Variants in NRXN3 observed in about 807,000 individuals in gnomAD.
NRXN3 encodes neurexin III.
A neutral mutation model predicts 137.6 loss-of-function variants in NRXN3; 32 were observed. The observed-to-expected ratio is 0.23, with a 90% CI of 0.18 to 0.31. NRXN3 has a LOEUF of 0.31. NRXN3 is among the 10% of genes least tolerant of loss of function. The pLI is 1.00. For synonymous variants in NRXN3, 798 were observed against 784.5 expected (o/e 1.02, Z -0.29); for missense variants, 1,574 against 2,062.5 (o/e 0.76, Z 4.59).
chr14:79,719,419 T>TATATATATAC (rs762235239), intron 19 of NRXN3, among the ~76,000 whole-genome samples: 2 of 151,402 alleles, frequency 1.3e-5, no homozygotes, highest in South Asian at 2.1e-4. Flanking sequence ...TATATATATA[T>TATATATATAC]ACCTTTCCCA....
intron 4 of NRXN3, among the ~76,000 whole-genome samples, chr14:78,568,232 G>A (rs2096855018): frequency 6.6e-6 from 1 of 152,138 alleles, no homozygotes; most frequent in Non-Finnish European, 1.5e-5. Context: ...CCTTTTGGGA[G>A]GTTAGTAAGT....
intron 15 of NRXN3, among the ~76,000 whole-genome samples, chr14:79,336,275 G>C (rs2092253900): frequency 6.6e-6 from 1 of 152,050 alleles, no homozygotes; most frequent in African/African-American, 2.4e-5. Context: ...AAGGTATTGG[G>C]TCATGTGCTT....
intron 15 of NRXN3, among the ~76,000 whole-genome samples, chr14:79,332,091 G>A (rs894380563): frequency 1.3e-5 from 2 of 152,186 alleles, no homozygotes; most frequent in Non-Finnish European, 2.9e-5. Flanking sequence ...CACCACATGG[G>A]TGGGCATGTG....
intron 15 of NRXN3, among the ~76,000 whole-genome samples, chr14:79,319,859 G>A (rs951208357): frequency 6.6e-6 from 1 of 152,104 alleles, no homozygotes; most frequent in Non-Finnish European, 1.5e-5. Context: ...CCTTATGTAT[G>A]AAACTGATTT....
At chr14:78,491,685 A>G (rs948813151) in intron 4 of NRXN3, among the ~76,000 whole-genome samples, 2 of 152,158 alleles carry the variant, frequency 1.3e-5, no homozygotes, top group Non-Finnish European at 2.9e-5. Flanking sequence ...ATTCATTTTT[A>G]TACTGATAGA....
intron 14 of NRXN3, among the ~76,000 whole-genome samples, chr14:78,982,472 C>A (rs1175200068): frequency 3.3e-5 from 5 of 151,340 alleles, no homozygotes; most frequent in Non-Finnish European, 5.9e-5. Flanking sequence ...AGGATAGAGA[C>A]CCCCAAAATA....
chr14:79,550,586 C>T lies in NRXN3; in HGVS notation c.3444+83184C>T, dbSNP rs1430459447. Among the ~76,000 whole-genome samples, 4 of 152,148 alleles carry T rather than the reference C, an allele frequency of 2.6e-5. No homozygotes were observed. In the East Asian group the frequency reaches 7.7e-4, roughly 29 times the overall value. ...CACATTGAAATGAGTTTGATCACCA[C>T]CTGGGCATTCACAGTAGTCCAGAGG... On this transcript the variant is annotated intron_variant, in intron 16 of 20. Coordinates refer to ENST00000335750, the MANE Select transcript of NRXN3 (RefSeq NM_001330195.2).
chr14:78,811,383 G>C (rs576157554), intron 10 of NRXN3, among the ~76,000 whole-genome samples: 1 of 152,286 alleles, frequency 6.6e-6, no homozygotes, highest in African/African-American at 2.4e-5. Flanking sequence ...GAGAGAGAGA[G>C]AGAGCTTGGG....
chr14:79,454,726 T>A (rs987243262), intron 15 of NRXN3, among the ~76,000 whole-genome samples: 1 of 152,192 alleles, frequency 6.6e-6, no homozygotes, highest in Non-Finnish European at 1.5e-5. Flanking sequence ...ATCTCTATCA[T>A]ATTTAGAACA....
At position 78,219,668 on chromosome 14, in the gene NRXN3, T is replaced by C. The variant is rs574563019; in HGVS notation, c.-703-22723T>C. 5.3e-5 allele frequency among the ~76,000 whole-genome samples: 8 copies of C among 152,348 alleles called. No homozygotes were observed. The South Asian group carries it at 1.7e-3, about 32-fold the overall frequency. ...CACAGTGCTGGGTATCTGGTGAGTT[T>C]TCAAAAATGTTATTTGTTCCTAGAA... On this transcript the variant is annotated intron_variant, in intron 1 of 20. Transcript: ENST00000335750.
intron 4 of NRXN3, among the ~76,000 whole-genome samples, chr14:78,421,282 A>T (rs1394889121): frequency 6.6e-6 from 1 of 151,956 alleles, no homozygotes; most frequent in African/African-American, 2.4e-5. Flanking sequence ...AAAAGAAAAA[A>T]AAGAAAAGAA....
At chr14:78,729,772 A>G (rs2098505834) in intron 8 of NRXN3, among the ~76,000 whole-genome samples, 1 of 152,100 alleles carries the variant, frequency 6.6e-6, no homozygotes, top group African/African-American at 2.4e-5. Context: ...GACCTCTCTA[A>G]TTTTTGCTTT....
At chr14:79,011,724 A>C (rs1233563853) in intron 15 of NRXN3, among the ~76,000 whole-genome samples, 4 of 152,002 alleles carry the variant, frequency 2.6e-5, no homozygotes, top group Admixed American at 6.6e-5. Flanking sequence ...AGTGACTAAA[A>C]CCATGTCATT....
chr14:78,643,437 C>G (rs2097654830), intron 4 of NRXN3, among the ~76,000 whole-genome samples: 2 of 152,118 alleles, frequency 1.3e-5, no homozygotes, highest in Admixed American at 1.3e-4. Flanking sequence ...ATGAAGTAGA[C>G]CATTCTAAGT....
At chr14:79,635,621 T>G (rs2098397989) in intron 16 of NRXN3, among the ~76,000 whole-genome samples, 1 of 152,184 alleles carries the variant, frequency 6.6e-6, no homozygotes, top group South Asian at 2.1e-4. Context: ...CCATCCACCT[T>G]TGGTGTTCCT....
intron 15 of NRXN3, among the ~76,000 whole-genome samples, chr14:79,262,045 G>C (rs1411988410): frequency 1.4e-4 from 21 of 152,018 alleles, no homozygotes; most frequent in Non-Finnish European, 2.9e-5. Flanking sequence ...GGAAACACAG[G>C]GGAAGGAAAT....
chr14:78,879,337 T>C (rs1596850907), intron 10 of NRXN3, among the ~76,000 whole-genome samples: 1 of 152,208 alleles, frequency 6.6e-6, no homozygotes, highest in African/African-American at 2.4e-5. Flanking sequence ...TATACCAGGG[T>C]TCCCTTTTCT....
At chr14:78,812,895 G>T (rs1422666293) in intron 10 of NRXN3, among the ~76,000 whole-genome samples, 5 of 152,164 alleles carry the variant, frequency 3.3e-5, no homozygotes, top group African/African-American at 9.7e-5. Context: ...ATAATACAGT[G>T]CTCAATGGTT....
intron 1 of NRXN3, among the ~76,000 whole-genome samples, chr14:78,202,882 T>C (rs1228476065): frequency 6.6e-6 from 1 of 152,206 alleles, no homozygotes; most frequent in African/African-American, 2.4e-5. Flanking sequence ...GCATTTTCTG[T>C]ATTACATATG....
Sources: allele counts gnomAD v4.1 joint callset (sites outside exome capture counted in the v4.1 genomes callset), GRCh38; gene constraint gnomAD v4.1.1; transcripts MANE v1.5; gene names NCBI Gene and HGNC (gene_info 2026-07-23, HGNC 2026-07-21).